The following RNF17 variants were observed in gnomAD, a reference collection of about 807,000 sequenced individuals.
RNF17 encodes ring finger protein 17.
Under a neutral mutation model 200.5 loss-of-function variants are expected in RNF17, and 31 were observed. The observed-to-expected ratio is 0.15, with a 90% confidence interval of 0.12 to 0.21. The LOEUF (loss-of-function observed/expected upper bound fraction) is 0.21, where lower values mean the gene tolerates loss of function less well. RNF17 is among the 10% of genes least tolerant of loss of function. The probability of loss-of-function intolerance (pLI) is 1.00; values close to 1 mark genes in which losing one functional copy is unlikely to be tolerated. For synonymous variants in RNF17, 606 were observed against 637.8 expected (o/e 0.95, Z 0.75); for missense variants, 1,628 against 1,905.1 (o/e 0.85, Z 2.71).
intron 15 of RNF17, among the ~76,000 whole-genome samples, chr13:24,815,621 G>A (rs1240214088): frequency 6.6e-6 from 1 of 152,092 alleles, no homozygotes; most frequent in African/African-American, 2.4e-5. Context: ...AATACAAGAT[G>A]AAGAAGCAGG....
At chr13:24,807,673 T>G (rs1312296654) in intron 15 of RNF17, among the ~76,000 whole-genome samples, 28 of 151,814 alleles carry the variant, frequency 1.8e-4, no homozygotes, top group African/African-American at 5.1e-4. Flanking sequence ...GTCAATTTTG[T>G]CTTTTGTTGC....
chr13:24,764,154 G>C (rs773682197), upstream of RNF17: 2 of 1,528,646 alleles, frequency 1.3e-6, no homozygotes, highest in Admixed American at 1.8e-5. Flanking sequence ...GCTGCCGCGA[G>C]GGCCGCCGGG....
downstream of RNF17, chr13:24,883,322 T>C: frequency 1.2e-6 from 2 of 1,613,960 alleles, no homozygotes; most frequent in South Asian, 1.1e-5. Context: ...CTGGGCAGTA[T>C]GTAGTTCTCT....
At chr13:24,878,368 T>C (rs562858931) in intron 34 of RNF17, among the ~76,000 whole-genome samples, 2 of 152,314 alleles carry the variant, frequency 1.3e-5, no homozygotes, top group South Asian at 4.1e-4. Context: ...ATTCAGAATT[T>C]TGTCAGTATA....
intron 18 of RNF17, among the ~76,000 whole-genome samples, chr13:24,839,537 A>G (rs1424174465): frequency 6.6e-6 from 1 of 152,214 alleles, no homozygotes; most frequent in African/African-American, 2.4e-5. Flanking sequence ...AAATAGGCAC[A>G]TAGACTAATG....
chr13:24,818,780 TAA>T (rs1057462684), intron 15 of RNF17, among the ~76,000 whole-genome samples: 2 of 152,124 alleles, frequency 1.3e-5, no homozygotes, highest in African/African-American at 4.8e-5. Context: ...GCATAAGGTA[TAA>T]AGTGTATCTC....
Position 24,800,461 on chromosome 13 carries a change from C to T in RNF17, c.1685C>T (p.Thr562Ile), listed in dbSNP as rs1436133968. The T allele has an allele frequency of 6.2e-7, 1 of 1,613,426 alleles. No individual in the cohort carries two copies. Among genetic ancestry groups the T allele is most frequent in the Non-Finnish European group, 8.5e-7 (1 of 1,179,612 alleles). ...GTTCTAAGGAAATCTGAACCATATA[C>T]TGAAGGGCTGCTAAAAGACATCCAG... is the stretch of plus-strand genomic sequence containing the variant. ...CLVLRKSEPY[T>I]EGLLKDIQPL... is the part of the protein sequence containing the mutation. The change falls in exon 13 of 36, where the codon ACT (threonine) becomes ATT (isoleucine). Residue 562 changes from threonine (T) to isoleucine (I), a missense_variant. Coordinates refer to ENST00000255324, the MANE Select transcript of RNF17 (RefSeq NM_031277.3).
At chr13:24,783,587 CCTT>C (rs879829986) in intron 6 of RNF17, among the ~76,000 whole-genome samples, 2 of 152,078 alleles carry the variant, frequency 1.3e-5, no homozygotes, top group Non-Finnish European at 2.9e-5. Flanking sequence ...TCTTTCACCT[CCTT>C]TGTTTATTCT....
At chr13:24,824,294 G>C in intron 15 of RNF17, 1 of 669,252 alleles carries the variant, frequency 1.5e-6, no homozygotes, top group South Asian at 1.7e-5. Context: ...TTTTGTTGGC[G>C]TCATTCCTCT....
In RNF17 at chr13:24,879,199, G is replaced by A. The variant is rs762834742; in HGVS notation, c.4786G>A (p.Glu1596Lys). 2.5e-5 allele frequency: 41 copies of A among 1,612,846 alleles called. No individual in the cohort carries two copies. Among genetic ancestry groups the A allele is most frequent in the Non-Finnish European group, 3.3e-5 (39 of 1,179,028 alleles). The change falls in exon 35 of 36, where the codon GAA becomes AAA. Residue 1596 changes from glutamate (E) to lysine (K), a missense_variant. By Grantham distance (56) the Glu-to-Lys change is moderately conservative (BLOSUM62 1). Transcript: ENST00000255324. ...LYAVSMAPAP[E>K]QIVTLYDDEQ... is the part of the protein sequence containing the mutation. ...CTTTTAATTTTAGGCTCCAGCACCA[G>A]AACAGATAGTGACATTATATGACGA... is the stretch of plus-strand genomic sequence containing the variant.
Position 24,797,706 on chromosome 13 carries a change from G to GTTTGTGTGTC in RNF17, c.1399+1412_1399+1413insTTGTGTGTCT, listed in dbSNP as rs1491437559. On this transcript the variant is annotated intron_variant, in intron 11 of 35. Coordinates refer to ENST00000255324, the MANE Select transcript of RNF17 (RefSeq NM_031277.3). ...AGAGAGAGAGAGAGAGAGACAAAGA[G>GTTTGTGTGTC]TGTGTGTGTGTGTGTGTGTGTGTGT... 2.0e-3 allele frequency among the ~76,000 whole-genome samples: 111 copies of GTTTGTGTGTC among 56,600 alleles called. 2 individuals are homozygous for GTTTGTGTGTC. The highest frequency in any genetic ancestry group is 5.0e-3 in the East Asian group (12 of 2,424). 37.1% of individuals were successfully genotyped at this position (56,600 alleles called of 152,430 possible).
At chr13:24,785,248 G>A (rs1264812697) in intron 6 of RNF17, among the ~76,000 whole-genome samples, 1 of 151,986 alleles carries the variant, frequency 6.6e-6, no homozygotes, top group Non-Finnish European at 1.5e-5. Context: ...TGCTTTCATT[G>A]CATCCCATAA....
In RNF17 at chr13:24,870,606, C is replaced by A; in HGVS notation, c.4314C>A (p.Asn1438Lys). 3.7e-6 allele frequency: 6 copies of A among 1,613,782 alleles called. No individual in the cohort carries two copies. Among genetic ancestry groups the A allele is most frequent in the Non-Finnish European group, 5.1e-6 (6 of 1,179,868 alleles). Reference protein sequence around the residue: ...YICLDSIETSNQSNQHSDTDD... With the variant: ...YICLDSIETSKQSNQHSDTDD... ...GCCTTGATTCTATAGAAACTTCTAA[C>A]CAGTCTAACCAGCATAGTGACACAG... is the stretch of plus-strand genomic sequence containing the variant. Residue 1438 changes from asparagine to lysine, a missense_variant, in exon 32 of 36, where the codon AAC becomes AAA. By Grantham distance (94) the Asn-to-Lys change is moderately conservative (BLOSUM62 0). This residue lies in a region of RNF17 where 609 missense variants were observed against 681.9 expected (regional missense o/e 0.89). Coordinates refer to ENST00000255324, the MANE Select transcript of RNF17 (RefSeq NM_031277.3).
chr13:24,874,167 G>T lies in RNF17; in HGVS notation c.4501G>T (p.Val1501Phe). ...DDGLWYRAKI[V>F]AIKEFNPLSI... ...TGGCTTATGGTATAGAGCGAAGATTGTTGCCATTAAAGAATTTAATCCTTT... is the reference window on the plus strand; with the variant it reads ...TGGCTTATGGTATAGAGCGAAGATTTTTGCCATTAAAGAATTTAATCCTTT... Residue 1501 changes from valine (V) to phenylalanine (F), a missense_variant, in exon 33 of 36, where the codon GTT becomes TTT. Transcript: ENST00000255324. 6.2e-7 allele frequency: 1 copy of T among 1,611,738 alleles called. No homozygotes were observed. Among genetic ancestry groups the T allele is most frequent in the Non-Finnish European group, 8.5e-7 (1 of 1,179,154 alleles).
intron 15 of RNF17, among the ~76,000 whole-genome samples, chr13:24,812,762 A>C (rs2137841962): frequency 6.9e-6 from 1 of 145,952 alleles, no homozygotes; most frequent in African/African-American, 2.5e-5. Context: ...GCTCACTGCA[A>C]GCTCTGCCTC....
intron 18 of RNF17, among the ~76,000 whole-genome samples, chr13:24,836,846 G>A (rs1401760146): frequency 1.3e-5 from 2 of 151,914 alleles, no homozygotes; most frequent in Non-Finnish European, 2.9e-5. Context: ...GCAACAAAGA[G>A]CACCATGAAT....
chr13:24,759,770 A>G (rs1279274004), upstream of RNF17, among the ~76,000 whole-genome samples: 1 of 152,214 alleles, frequency 6.6e-6, no homozygotes, highest in Non-Finnish European at 1.5e-5. Flanking sequence ...CACCAAGTTA[A>G]AAAGAAAACA....
chr13:24,778,592 C>A (rs1415736616), intron 4 of RNF17, among the ~76,000 whole-genome samples, 186 bp downstream of exon 4: 3 of 152,190 alleles, frequency 2.0e-5, no homozygotes, highest in Non-Finnish European at 4.4e-5. Flanking sequence ...CCAAGGCAGC[C>A]TGTTCTACCT....
intron 11 of RNF17, among the ~76,000 whole-genome samples, chr13:24,798,406 A>G (rs1226115391): frequency 6.6e-6 from 1 of 152,190 alleles, no homozygotes; most frequent in Non-Finnish European, 1.5e-5. Context: ...CAAACTGAAG[A>G]TCAAACGTTT....
Sources: allele counts gnomAD v4.1 joint callset (sites outside exome capture counted in the v4.1 genomes callset), GRCh38; gene constraint gnomAD v4.1.1; regional missense constraint gnomAD v4.1.1; transcripts MANE v1.5; gene names NCBI Gene and HGNC (gene_info 2026-07-23, HGNC 2026-07-21).